GABRA3: variants seen among roughly 807,000 people sequenced by gnomAD.
GABRA3 encodes the protein gamma-aminobutyric acid receptor subunit alpha-3.
GABRA3 carries 10 observed loss-of-function variants against 30.1 expected under a neutral mutation model. That is an observed-to-expected ratio of 0.33 (90% CI 0.20 to 0.56). The LOEUF (loss-of-function observed/expected upper bound fraction) is 0.56. Among genes scored for constraint, GABRA3 ranks in the 20% least tolerant of loss-of-function variants. The pLI, the probability that GABRA3 is intolerant of heterozygous loss-of-function variation, is 0.89. For synonymous variants in GABRA3, 151 were observed against 146.8 expected, an observed-to-expected ratio of 1.03 and a Z score of -0.21; for missense variants, 233 against 392.0, an observed-to-expected ratio of 0.59 and a Z score of 3.42.
chrX:152,281,064 A>G (rs1039690699), intron 4 of GABRA3, among the ~76,000 whole-genome samples: 5 of 111,049 alleles, frequency 4.5e-5, no homozygotes, highest in African/African-American at 1.6e-4. Flanking sequence ...CTTGAGAGCT[A>G]GGATGGAAGC....
chrX:152,173,294 A>G (rs1937028048), intron 9 of GABRA3, among the ~76,000 whole-genome samples: 1 of 110,610 alleles, frequency 9.0e-6, no homozygotes, highest in Admixed American at 9.7e-5. Context: ...GGTCCAGATC[A>G]CAGCTGAGAA....
chrX:152,327,096 A>G (rs1331948144), intron 3 of GABRA3, among the ~76,000 whole-genome samples: 1 of 110,817 alleles, frequency 9.0e-6, no homozygotes, highest in Non-Finnish European at 1.9e-5. Flanking sequence ...AAAGATCAAG[A>G]GACAAAGAAG....
At chrX:152,404,483 G>C (rs1215972565) in intron 1 of GABRA3, among the ~76,000 whole-genome samples, 1 of 110,334 alleles carries the variant, frequency 9.1e-6, no homozygotes, top group Non-Finnish European at 1.9e-5. Flanking sequence ...CCAAGAAAGG[G>C]ACATCCCAGA....
At chrX:152,330,371 A>C (rs1459045547) in intron 3 of GABRA3, among the ~76,000 whole-genome samples, 1 of 111,990 alleles carries the variant, frequency 8.9e-6, no homozygotes, top group Non-Finnish European at 1.9e-5. Context: ...AGGATTATAA[A>C]TCATGCTGCT....
chrX:152,205,154 T>C (rs968908643), intron 7 of GABRA3, among the ~76,000 whole-genome samples: 1 of 111,722 alleles, frequency 9.0e-6, no homozygotes, highest in African/African-American at 3.3e-5. Context: ...GGTCACATTT[T>C]GCAGTACTGG....
intron 7 of GABRA3, among the ~76,000 whole-genome samples, chrX:152,198,786 C>G (rs963300037): frequency 1.2e-4 from 13 of 112,134 alleles, no homozygotes; most frequent in Non-Finnish European, 2.4e-4. Context: ...CAGCCTGTGT[C>G]TTTAATACCT....
chrX:152,315,811 C>T (rs1939864766), intron 3 of GABRA3, among the ~76,000 whole-genome samples: 1 of 109,867 alleles, frequency 9.1e-6, no homozygotes, highest in African/African-American at 3.3e-5. Flanking sequence ...ACGTGGGAAC[C>T]ATACCTCCAT....
chrX:152,247,336 T>C (rs1160592733), intron 5 of GABRA3, among the ~76,000 whole-genome samples: 1 of 111,660 alleles, frequency 9.0e-6, no homozygotes, highest in Non-Finnish European at 1.9e-5. Flanking sequence ...AATCCCACTG[T>C]GTCAATGTTT....
chrX:152,299,320 C>T (rs903510317), intron 3 of GABRA3, among the ~76,000 whole-genome samples: 1 of 111,195 alleles, frequency 9.0e-6, no homozygotes, highest in African/African-American at 3.3e-5. Context: ...ACCTGGGGAT[C>T]TCCTTGAAAA....
intron 2 of GABRA3, among the ~76,000 whole-genome samples, chrX:152,346,644 GAAA>G (rs1439394767): frequency 8.9e-6 from 1 of 111,873 alleles, no homozygotes; most frequent in African/African-American, 3.2e-5. Context: ...AACTCTGTAG[GAAA>G]AAGTATAATA....
intron 9 of GABRA3, among the ~76,000 whole-genome samples, chrX:152,184,187 C>T (rs767781334): frequency 1.7e-4 from 19 of 111,179 alleles, no homozygotes; most frequent in Non-Finnish European, 2.6e-4. Context: ...GTTTTTCTTA[C>T]GTTCTCTTTA....
At position 152,267,244 on chromosome X, in the gene GABRA3, C is replaced by A. The variant is rs767594844; in HGVS notation, c.331-11246G>T. Among the ~76,000 whole-genome samples the A allele has an allele frequency of 5.4e-5, 6 of 111,859 alleles. No homozygotes were observed. In the East Asian group the frequency reaches 1.7e-3, roughly 31 times the overall value. ...AATGGATGTTGGATTTTATCAAATT[C>A]TTTTTTGGTATCTATTAAAATAATC... On this transcript the variant is annotated intron_variant, in intron 4 of 9. Transcript: ENST00000370314.
intron 5 of GABRA3, among the ~76,000 whole-genome samples, chrX:152,242,135 G>C (rs1178128324): frequency 9.0e-6 from 1 of 111,668 alleles, no homozygotes; most frequent in Non-Finnish European, 1.9e-5. Context: ...CACATTTACA[G>C]TCAATTGGTT....
In GABRA3 at chrX:152,303,918, G is replaced by A. The variant is rs1455471021; in HGVS notation, c.263-19183C>T. 3.6e-5 allele frequency among the ~76,000 whole-genome samples: 4 copies of A among 111,436 alleles called. No individual in the cohort carries two copies. The Admixed American group carries it at 3.8e-4, about 11-fold the overall frequency. On this transcript the variant is annotated intron_variant, in intron 3 of 9. Transcript: ENST00000370314. ...AGTGCAGCAAAACACCATGGCATAT[G>A]TATACCTATGTAACAAACCTGCATG...
At chrX:152,304,046 T>C (rs1417491121) in intron 3 of GABRA3, among the ~76,000 whole-genome samples, 1 of 112,330 alleles carries the variant, frequency 8.9e-6, no homozygotes. Flanking sequence ...TTTACATTTC[T>C]CTGATGATTA....
At chrX:152,213,509 T>C (rs966896098) in intron 6 of GABRA3, among the ~76,000 whole-genome samples, 2 of 111,534 alleles carry the variant, frequency 1.8e-5, no homozygotes, top group Non-Finnish European at 3.8e-5. Flanking sequence ...TCTAAAACAT[T>C]AAGAAATGAG....
chrX:152,201,207 ATCT>A (rs1244725167), intron 7 of GABRA3, among the ~76,000 whole-genome samples: 6 of 111,748 alleles, frequency 5.4e-5, no homozygotes. Flanking sequence ...ATCTCTATAT[ATCT>A]TCTTCTCTGC....
intron 4 of GABRA3, among the ~76,000 whole-genome samples, chrX:152,274,473 T>C: frequency 9.0e-6 from 1 of 111,202 alleles, no homozygotes; most frequent in Non-Finnish European, 1.9e-5. Context: ...CTACAGATCA[T>C]TCTCTTTCAA....
intron 2 of GABRA3, among the ~76,000 whole-genome samples, chrX:152,361,859 T>C (rs1208064206): frequency 2.7e-5 from 3 of 111,919 alleles, no homozygotes; most frequent in Non-Finnish European, 5.6e-5. Context: ...TTTAGGATTA[T>C]AAGAAAATAT....
Sources: allele counts gnomAD v4.1 joint callset (sites outside exome capture counted in the v4.1 genomes callset), GRCh38; gene constraint gnomAD v4.1.1; transcripts MANE v1.5; gene names NCBI Gene and HGNC (gene_info 2026-07-23, HGNC 2026-07-21).